The following RGS14 variants were observed in gnomAD, a reference collection of about 807,000 sequenced individuals.
The protein encoded by RGS14 is regulator of G-protein signaling 14.
A neutral mutation model predicts 63.8 loss-of-function variants in RGS14; 33 were observed. The observed-to-expected ratio is 0.52, with a 90% CI of 0.39 to 0.69. The LOEUF is 0.69. RGS14 is among the 30% of genes least tolerant of loss of function. RGS14 has a pLI of 0.00. For missense variants in RGS14, 739 were observed against 742.9 expected, an observed-to-expected ratio of 0.99 and a Z score of 0.06; for synonymous variants, 296 against 320.9, an observed-to-expected ratio of 0.92 and a Z score of 0.83.
intron 1 of RGS14, among the ~76,000 whole-genome samples, chr5:177,362,249 T>C (rs553495529): frequency 6.2e-4 from 94 of 152,350 alleles, no homozygotes; most frequent in African/African-American, 2.2e-3. Flanking sequence ...GCTCCAGCTA[T>C]GCTATCAACA....
chr5:177,368,125 G>A (rs552840753), intron 7 of RGS14, 32 bp from the exon 8 acceptor site: 7 of 1,604,410 alleles, frequency 4.4e-6, no homozygotes, highest in East Asian at 4.5e-5. Flanking sequence ...AGGGCGGGGG[G>A]CTGTTCGCGT....
chr5:177,369,101 C>G, intron 9 of RGS14, 181 bp downstream of exon 9: 1 of 633,630 alleles, frequency 1.6e-6, no homozygotes, highest in Admixed American at 2.5e-5. Context: ...CATGTCCTTC[C>G]AGGTTTCCAC....
intron 1 of RGS14, among the ~76,000 whole-genome samples, chr5:177,361,056 C>T (rs1208557221): frequency 1.3e-5 from 2 of 152,190 alleles, no homozygotes; most frequent in East Asian, 3.8e-4. Flanking sequence ...GGGCAGTTAG[C>T]CTGTCCTGTC....
chr5:177,370,461 T>C, intron 9 of RGS14, 130 bp from the exon 10 acceptor site: 1 of 805,238 alleles, frequency 1.2e-6, no homozygotes, highest in East Asian at 2.5e-5. Context: ...CTACAGCTCT[T>C]CCACCCTCCA....
chr5:177,370,838 T>A, intron 10 of RGS14, 67 bp from the exon 11 acceptor site: 1 of 1,584,616 alleles, frequency 6.3e-7, no homozygotes, highest in Non-Finnish European at 8.5e-7. Context: ...CCCCTCGCGT[T>A]TGTCCTGGGA....
intron 7 of RGS14, 27 bp from the exon 8 acceptor site, chr5:177,368,130 T>G (rs1339862133): frequency 1.2e-6 from 2 of 1,606,912 alleles, no homozygotes; most frequent in African/African-American, 2.7e-5. Context: ...GGGGGGCTGT[T>G]CGCGTTCATC....
chr5:177,371,696 C>T lies in RGS14; in HGVS notation c.1498+107C>T. On this transcript the variant is annotated intron_variant, in intron 14 of 14. Coordinates refer to ENST00000408923, the MANE Select transcript of RGS14 (RefSeq NM_006480.5). This position sits in a 1 kb window ranked among gnomAD's most constrained non-coding sequence, Gnocchi z 6.1. ...AGCTAAGGCAGGGGGCTGGGTGCCA[C>T]TGGGCGTGGAACAGGAAGGATGGGG... 1.7e-6 allele frequency: 2 copies of T among 1,159,672 alleles called. No individual in the cohort carries two copies. The highest frequency in any genetic ancestry group is 2.4e-6 in the Non-Finnish European group (2 of 817,170). The allele number at this position is 1,159,672 out of a possible 1,614,324, so 71.8% of individuals were successfully genotyped here. A position where few individuals can be genotyped will look rare whatever the true frequency, so the allele number is the denominator to read the frequency against.
At chr5:177,368,078 C>T in intron 7 of RGS14, 79 bp from the exon 8 acceptor site, 1 of 1,554,814 alleles carries the variant, frequency 6.4e-7, no homozygotes. Context: ...CAAACAAGGC[C>T]CACCAGTGGG....
intron 5 of RGS14, 95 bp from the exon 6 acceptor site, chr5:177,367,319 T>TGG: frequency 6.9e-7 from 1 of 1,451,130 alleles, no homozygotes; most frequent in Non-Finnish European, 9.3e-7. Flanking sequence ...GCCCTAGGTT[T>TGG]GGGGCGGGGC....
At position 177,359,402 on chromosome 5, in the gene RGS14, G is replaced by A. The variant is rs1043859452; in HGVS notation, c.45+1333G>A. Among the ~76,000 whole-genome samples the A allele has an allele frequency of 3.3e-5, 5 of 152,158 alleles. No homozygotes were observed. Among genetic ancestry groups the A allele is most frequent in the African/African-American group, 4.8e-5 (2 of 41,428 alleles). Reference sequence around the variant, plus strand: ...TTCGCTCGTCCTTGCCTAGGCGACCGGGCCAGGAAGCCAAGGAGGCTAACC... The same window carrying A: ...TTCGCTCGTCCTTGCCTAGGCGACCAGGCCAGGAAGCCAAGGAGGCTAACC... On this transcript the variant is annotated intron_variant, in intron 1 of 14. Transcript: ENST00000408923. The surrounding 1 kb of genome is among the most constrained non-coding windows in gnomAD (Gnocchi z 4.4).
intron 1 of RGS14, among the ~76,000 whole-genome samples, chr5:177,363,844 C>T (rs966394670): frequency 6.6e-6 from 1 of 152,106 alleles, no homozygotes; most frequent in African/African-American, 2.4e-5. Context: ...AACATAAATG[C>T]ATTAAACTGG....
rs1762231447 is a variant in RGS14 at position 177,371,029 on chromosome 5, C to A, written c.1252C>A (p.Arg418=). 2 of 1,497,166 alleles carry A rather than the reference C, an allele frequency of 1.3e-6. No homozygotes were observed. The highest frequency in any genetic ancestry group is 1.8e-6 in the Non-Finnish European group (2 of 1,130,550). The allele number at this position is 1,497,166 out of a possible 1,614,324, so 92.7% of individuals were successfully genotyped here. The stretch of plus-strand genomic sequence containing the variant: ...GAGCCCGCTAGAGGTGGTGCTGCAC[C>A]GGGTGAGCTTCCGGGCCGCGGGGCG... The part of the protein sequence containing the change: ...GLSPLEVVLH[R]PGEKQPLDLG... Residue 418 remains arginine, a splice_region_variant and synonymous_variant, in exon 11 of 15, where the codon CGG becomes AGG. Transcript: ENST00000408923. This position sits in a 1 kb window ranked among gnomAD's most constrained non-coding sequence, Gnocchi z 6.1.
intron 1 of RGS14, among the ~76,000 whole-genome samples, chr5:177,365,197 A>G (rs1443064617): frequency 6.6e-6 from 1 of 151,620 alleles, no homozygotes; most frequent in Non-Finnish European, 1.5e-5. Flanking sequence ...TTTTTATTTG[A>G]TTTTCTTTTA....
At chr5:177,362,076 T>A (rs1037744805) in intron 1 of RGS14, among the ~76,000 whole-genome samples, 3 of 152,128 alleles carry the variant, frequency 2.0e-5, no homozygotes, top group African/African-American at 7.2e-5. Flanking sequence ...TGGGGCCTCA[T>A]TCAAGCTTCA....
intron 5 of RGS14, 44 bp from the exon 6 acceptor site, chr5:177,367,368 GCC>G: frequency 1.3e-6 from 2 of 1,545,962 alleles, no homozygotes; most frequent in Non-Finnish European, 1.8e-6. Context: ...GCAGCCCAGC[GCC>G]CCCACCCCAG....
chr5:177,370,510 G>T (rs1581623103), intron 9 of RGS14, 81 bp from the exon 10 acceptor site: 7 of 1,248,874 alleles, frequency 5.6e-6, no homozygotes, highest in Admixed American at 5.0e-5. Flanking sequence ...CCATGGGAGG[G>T]CGTGAAGTTG....
chr5:177,362,322 C>T (rs1317934970), intron 1 of RGS14, among the ~76,000 whole-genome samples: 1 of 152,094 alleles, frequency 6.6e-6, no homozygotes, highest in Non-Finnish European at 1.5e-5. Context: ...GCTGAGAGTC[C>T]CTAGTGAAGG....
At position 177,371,468 on chromosome 5, in the gene RGS14, C is replaced by T; in HGVS notation, c.1384-7C>T. Reference sequence around the variant, plus strand: ...CCGATTTTGGCTCTGACCCCAAATTCTCGCAGGGCTGCCCACCTAGAACTC... The same window carrying T: ...CCGATTTTGGCTCTGACCCCAAATTTTCGCAGGGCTGCCCACCTAGAACTC... On this transcript the variant is annotated splice_region_variant and splice_polypyrimidine_tract_variant and intron_variant, in intron 13 of 14. Transcript: ENST00000408923. This position sits in a 1 kb window ranked among gnomAD's most constrained non-coding sequence, Gnocchi z 6.1. 2.5e-6 allele frequency: 4 copies of T among 1,614,158 alleles called. No homozygotes were observed. Among genetic ancestry groups the T allele is most frequent in the Non-Finnish European group, 3.4e-6 (4 of 1,179,988 alleles).
chr5:177,368,615 G>C, intron 8 of RGS14, 102 bp from the exon 9 acceptor site: 1 of 1,167,616 alleles, frequency 8.6e-7, no homozygotes. Flanking sequence ...TTGGGAGTGC[G>C]TGTGCATGCT....
Sources: gnomAD v4.1 joint callset for allele counts (sites outside exome capture counted in the v4.1 genomes callset) on GRCh38, gnomAD v4.1.1 for gene constraint, Gnocchi (gnomAD v3.1) non-coding constraint, MANE v1.5 for transcripts, NCBI Gene and HGNC (gene_info 2026-07-23, HGNC 2026-07-21) for gene names.